Variants in ADCY2 observed in about 807,000 individuals in gnomAD.
The protein encoded by ADCY2 is adenylate cyclase type 2.
ADCY2 carries 31 observed loss-of-function variants against 125.2 expected under a neutral mutation model. That is an observed-to-expected ratio of 0.25 (90% CI 0.19 to 0.33). The LOEUF (loss-of-function observed/expected upper bound fraction) is 0.33, where lower values mean the gene tolerates loss of function less well. ADCY2 is among the 10% of genes least tolerant of loss of function. The pLI is 1.00. For synonymous variants in ADCY2, 512 were observed against 548.4 expected, an observed-to-expected ratio of 0.93 and a Z score of 0.93; for missense variants, 904 against 1,418.2, an observed-to-expected ratio of 0.64 and a Z score of 5.82.
intron 1 of ADCY2, among the ~76,000 whole-genome samples, chr5:7,399,492 G>T (rs1362924802): frequency 6.6e-6 from 1 of 152,068 alleles, no homozygotes; most frequent in Non-Finnish European, 1.5e-5. Context: ...TGCATTGTTG[G>T]CCCTAAAGTT....
At chr5:7,671,433 C>T (rs536186785) in intron 4 of ADCY2, among the ~76,000 whole-genome samples, 19 of 152,252 alleles carry the variant, frequency 1.2e-4, no homozygotes, top group Non-Finnish European at 1.8e-4. Flanking sequence ...CAATGATGCT[C>T]GAGTGAGCAT....
At chr5:7,406,014 G>A (rs1016640983) in intron 1 of ADCY2, among the ~76,000 whole-genome samples, 3 of 151,604 alleles carry the variant, frequency 2.0e-5, no homozygotes, top group Admixed American at 6.6e-5. Flanking sequence ...GTGTGCCACC[G>A]TGCCCTACTA....
At chr5:7,613,203 T>G (rs1168479716) in intron 3 of ADCY2, among the ~76,000 whole-genome samples, 1 of 150,460 alleles carries the variant, frequency 6.6e-6, no homozygotes, top group Non-Finnish European at 1.5e-5. Context: ...ACTCATAAGC[T>G]GAGCTCTGAG....
chr5:7,544,677 C>A (rs1735096324), intron 3 of ADCY2, among the ~76,000 whole-genome samples: 1 of 152,158 alleles, frequency 6.6e-6, no homozygotes, highest in Admixed American at 6.5e-5. Flanking sequence ...CAGCTCACCC[C>A]TGGGGATTAG....
intron 18 of ADCY2, among the ~76,000 whole-genome samples, chr5:7,774,185 C>T (rs1048574333): frequency 8.5e-5 from 13 of 152,190 alleles, no homozygotes; most frequent in Non-Finnish European, 1.5e-4. Flanking sequence ...CCAATAAGAA[C>T]CTTTGCAGAA....
intron 3 of ADCY2, among the ~76,000 whole-genome samples, chr5:7,552,993 C>A (rs1735386425): frequency 1.3e-5 from 2 of 152,282 alleles, no homozygotes; most frequent in South Asian, 4.1e-4. Context: ...GACAGGTTAG[C>A]TATTGTTTTG....
chr5:7,694,864 T>G (rs914285017), intron 5 of ADCY2, among the ~76,000 whole-genome samples: 1 of 152,212 alleles, frequency 6.6e-6, no homozygotes, highest in Non-Finnish European at 1.5e-5. Flanking sequence ...TTTTTCAGAG[T>G]GGCTGCATCA....
rs1013749114 is a variant in ADCY2 at position 7,645,305 on chromosome 5, A to G, written c.720+18989A>G. ...CAGGATAGATGGATGGCTGAGGCCT[A>G]AGTGGTGTGTTCCTGGATTCACTGG... On this transcript the variant is annotated intron_variant, in intron 4 of 24. Coordinates refer to ENST00000338316, the MANE Select transcript of ADCY2 (RefSeq NM_020546.3). 3.5e-4 allele frequency among the ~76,000 whole-genome samples: 53 copies of G among 152,168 alleles called. 1 individual carries two copies. The highest frequency in any genetic ancestry group is 1.3e-3 in the African/African-American group (52 of 41,448).
intron 3 of ADCY2, among the ~76,000 whole-genome samples, chr5:7,603,784 C>CTTTTTTT: frequency 0.01 from 645 of 62,738 alleles, 7 homozygotes; most frequent in East Asian, 0.012. Flanking sequence ...TGCTCTCTTT[C>CTTTTTTT]TTTTTTTTTT....
At chr5:7,453,713 G>C (rs764632041) in intron 2 of ADCY2, among the ~76,000 whole-genome samples, 1 of 152,102 alleles carries the variant, frequency 6.6e-6, no homozygotes, top group Non-Finnish European at 1.5e-5. Flanking sequence ...GCATACTTCC[G>C]GGGTCTTGTG....
At chr5:7,761,781 C>T (rs1262860115) in intron 16 of ADCY2, among the ~76,000 whole-genome samples, 1 of 152,170 alleles carries the variant, frequency 6.6e-6, no homozygotes, top group African/African-American at 2.4e-5. Flanking sequence ...TCATGATTGA[C>T]AGACAGTTCA....
chr5:7,642,737 A>G (rs544310538), intron 4 of ADCY2, among the ~76,000 whole-genome samples: 50 of 152,276 alleles, frequency 3.3e-4, no homozygotes, highest in African/African-American at 1.2e-3. Flanking sequence ...TCATGTACAA[A>G]TGAATTCCCA....
chr5:7,464,247 C>A (rs1301435879), intron 2 of ADCY2, among the ~76,000 whole-genome samples: 1 of 152,186 alleles, frequency 6.6e-6, no homozygotes, highest in African/African-American at 2.4e-5. Context: ...TCTCTCGGAG[C>A]TCTGCGCTGC....
At chr5:7,633,098 C>T (rs912997184) in intron 4 of ADCY2, among the ~76,000 whole-genome samples, 1 of 151,882 alleles carries the variant, frequency 6.6e-6, no homozygotes, top group East Asian at 1.9e-4. Context: ...TTTACAAAAG[C>T]CACATTAGCA....
chr5:7,788,352 G>C (rs1401499884), intron 19 of ADCY2, among the ~76,000 whole-genome samples: 1 of 152,046 alleles, frequency 6.6e-6, no homozygotes, highest in African/African-American at 2.4e-5. Context: ...GCTAATTTTT[G>C]TATTTTTAGT....
intron 20 of ADCY2, among the ~76,000 whole-genome samples, chr5:7,790,789 G>A (rs374170145): frequency 6.6e-5 from 10 of 151,972 alleles, no homozygotes; most frequent in African/African-American, 2.2e-4. Context: ...GTGGACAGTA[G>A]GGGAAGGAGG....
At chr5:7,726,842 C>T (rs540447742) in intron 13 of ADCY2, among the ~76,000 whole-genome samples, 21 of 152,344 alleles carry the variant, frequency 1.4e-4, no homozygotes, top group African/African-American at 4.8e-4. Flanking sequence ...ACCCAGGTCA[C>T]AGGCGCGATT....
chr5:7,741,945 T>TATC (rs993845125), intron 14 of ADCY2, among the ~76,000 whole-genome samples: 2 of 151,876 alleles, frequency 1.3e-5, no homozygotes, highest in Non-Finnish European at 2.9e-5. Context: ...CCGTCATTAT[T>TATC]ATCATCATCA....
At chr5:7,560,824 G>T (rs1385191517) in intron 3 of ADCY2, among the ~76,000 whole-genome samples, 2 of 151,784 alleles carry the variant, frequency 1.3e-5, no homozygotes, top group African/African-American at 4.8e-5. Context: ...GAGTAGCCAA[G>T]ATTACAGGCA....
Sources: allele counts gnomAD v4.1 joint callset (sites outside exome capture counted in the v4.1 genomes callset), GRCh38; gene constraint gnomAD v4.1.1; transcripts MANE v1.5; gene names NCBI Gene and HGNC (gene_info 2026-07-23, HGNC 2026-07-21).